Variants in LRRC4C observed in about 807,000 individuals in gnomAD.
LRRC4C encodes leucine-rich repeat-containing protein 4C.
A neutral mutation model predicts 33.6 loss-of-function variants in LRRC4C; 5 were observed. The ratio of observed to expected loss-of-function variants is 0.15; its 90% CI spans 0.08 to 0.31. LRRC4C has a LOEUF of 0.31. Ranked by LOEUF, LRRC4C falls within the 10% of genes least tolerant of loss-of-function variation. The pLI is 1.00. For missense variants in LRRC4C, 560 were observed against 796.7 expected (o/e 0.70, Z 3.58); for synonymous variants, 329 against 302.0 (o/e 1.09, Z -0.93).
At chr11:41,159,267 G>C (rs1258907344) in intron 1 of LRRC4C, among the ~76,000 whole-genome samples, 1 of 151,550 alleles carries the variant, frequency 6.6e-6, no homozygotes, top group Non-Finnish European at 1.5e-5. Flanking sequence ...CTCCAGCCTG[G>C]GCAACAGAGA....
In LRRC4C at chr11:40,315,815, C is replaced by G. The variant is rs190207182; in HGVS notation, c.-176+3813G>C. Among the ~76,000 whole-genome samples the G allele has an allele frequency of 2.4e-3, 372 of 152,064 alleles. 4 individuals are homozygous for G. Among genetic ancestry groups the G allele is most frequent in the Non-Finnish European group, 4.0e-3 (269 of 67,926 alleles). On this transcript the variant is annotated intron_variant, in intron 4 of 6. Coordinates refer to ENST00000528697, the MANE Select transcript of LRRC4C (RefSeq NM_001258419.2). The stretch of plus-strand genomic sequence containing the variant: ...GGGTTACACCAAATTATACTCTGAA[C>G]AGCGGTTTATAAAAATGCTCCTTCT...
intron 1 of LRRC4C, among the ~76,000 whole-genome samples, chr11:41,217,522 TTAGGCTTTAA>T (rs1408499885): frequency 2.0e-5 from 3 of 152,176 alleles, no homozygotes; most frequent in Admixed American, 6.5e-5. Flanking sequence ...GAAAAAGTAT[TTAGGCTTTAA>T]AAATGGTGTG....
chr11:41,025,584 G>T (rs562952072), intron 1 of LRRC4C, among the ~76,000 whole-genome samples: 3 of 151,742 alleles, frequency 2.0e-5, no homozygotes, highest in South Asian at 4.1e-4. Flanking sequence ...TGGTTAATGA[G>T]GTTTAAGGAA....
At chr11:40,653,599 AT>A in intron 2 of LRRC4C, among the ~76,000 whole-genome samples, 1 of 152,208 alleles carries the variant, frequency 6.6e-6, no homozygotes, top group Non-Finnish European at 1.5e-5. Context: ...TCACAAAGAT[AT>A]GGTTTGGAAT....
intron 2 of LRRC4C, among the ~76,000 whole-genome samples, chr11:40,738,689 T>C (rs1054413204): frequency 6.6e-6 from 1 of 152,116 alleles, no homozygotes; most frequent in South Asian, 2.1e-4. Context: ...TCTTCACATA[T>C]ACAGAATGGA....
chr11:40,954,359 G>C (rs1016964495), intron 1 of LRRC4C, among the ~76,000 whole-genome samples: 19 of 151,804 alleles, frequency 1.3e-4, no homozygotes, highest in Non-Finnish European at 2.7e-4. Context: ...GTAAATAAAA[G>C]ACTTGGAAAT....
At chr11:41,353,936 C>T (rs577428121) in intron 1 of LRRC4C, among the ~76,000 whole-genome samples, 1 of 152,096 alleles carries the variant, frequency 6.6e-6, no homozygotes, top group Admixed American at 6.5e-5. Flanking sequence ...AACAGGCAAA[C>T]CTGGAAGCAT....
intron 1 of LRRC4C, among the ~76,000 whole-genome samples, chr11:40,958,425 A>G (rs1226413725): frequency 6.6e-6 from 1 of 151,820 alleles, no homozygotes; most frequent in African/African-American, 2.4e-5. Context: ...GATAATAATC[A>G]TAAAGACATA....
intron 3 of LRRC4C, among the ~76,000 whole-genome samples, chr11:40,389,107 G>A (rs1271972436): frequency 6.6e-6 from 1 of 152,052 alleles, no homozygotes; most frequent in African/African-American, 2.4e-5. Flanking sequence ...AGGAAAAATG[G>A]GCCATTTATT....
At chr11:41,346,394 A>T (rs1951805311) in intron 1 of LRRC4C, among the ~76,000 whole-genome samples, 1 of 152,188 alleles carries the variant, frequency 6.6e-6, no homozygotes, top group African/African-American at 2.4e-5. Context: ...TCTAACTATG[A>T]ATTCTCACTA....
At chr11:41,348,816 C>T (rs1009710880) in intron 1 of LRRC4C, among the ~76,000 whole-genome samples, 1 of 152,074 alleles carries the variant, frequency 6.6e-6, no homozygotes, top group African/African-American at 2.4e-5. Flanking sequence ...TTACCACAGA[C>T]CTCCAAAATT....
chr11:40,440,299 C>CTTTTTTTTTTTTTTT (rs66998647), intron 3 of LRRC4C, among the ~76,000 whole-genome samples: 1 of 131,872 alleles, frequency 7.6e-6, no homozygotes, highest in Non-Finnish European at 1.6e-5. Context: ...TGGTCTCTTT[C>CTTTTTTTTTTTTTTT]TTTTTTTTTT....
chr11:40,386,978 T>C (rs1389298726), intron 3 of LRRC4C, among the ~76,000 whole-genome samples: 2 of 152,222 alleles, frequency 1.3e-5, no homozygotes, highest in East Asian at 3.9e-4. Flanking sequence ...TACTGACTGA[T>C]ATGATTTAAT....
intron 3 of LRRC4C, among the ~76,000 whole-genome samples, chr11:40,586,115 C>T (rs1958726279): frequency 6.7e-6 from 1 of 149,152 alleles, no homozygotes; most frequent in African/African-American, 2.5e-5. Context: ...TCCTATTTCT[C>T]CACATCCTCT....
intron 2 of LRRC4C, among the ~76,000 whole-genome samples, chr11:40,911,018 G>C (rs894518810): frequency 1.3e-5 from 2 of 152,324 alleles, no homozygotes; most frequent in South Asian, 2.1e-4. Context: ...TGCCATTGCC[G>C]AGACTTGAGT....
intron 5 of LRRC4C, among the ~76,000 whole-genome samples, chr11:40,141,323 C>A (rs1365800966): frequency 6.6e-6 from 1 of 152,098 alleles, no homozygotes; most frequent in Non-Finnish European, 1.5e-5. Context: ...CACCACATCC[C>A]CAAACAAGAA....
intron 1 of LRRC4C, among the ~76,000 whole-genome samples, chr11:41,448,048 C>T (rs747167045): frequency 1.0e-4 from 15 of 147,474 alleles, no homozygotes; most frequent in Non-Finnish European, 2.1e-4. Flanking sequence ...AATGGGTCTC[C>T]AACTCATTAG....
intron 2 of LRRC4C, among the ~76,000 whole-genome samples, chr11:40,655,493 G>T (rs950321392): frequency 6.6e-6 from 1 of 151,970 alleles, no homozygotes; most frequent in Admixed American, 6.6e-5. Flanking sequence ...AATAATATTG[G>T]GTTCACATAA....
chr11:41,327,816 G>A (rs1951169049), intron 1 of LRRC4C, among the ~76,000 whole-genome samples: 1 of 152,074 alleles, frequency 6.6e-6, no homozygotes, highest in South Asian at 2.1e-4. Flanking sequence ...ACACTCTCTT[G>A]CCTGCTGCTA....
Sources: gnomAD v4.1 joint callset for allele counts (sites outside exome capture counted in the v4.1 genomes callset) on GRCh38, gnomAD v4.1.1 for gene constraint, MANE v1.5 for transcripts, NCBI Gene and HGNC (gene_info 2026-07-23, HGNC 2026-07-21) for gene names.